Variants in CDH7 observed in about 807,000 individuals in gnomAD.
CDH7 encodes the protein cadherin 7, also known as cadherin-7.
CDH7 carries 25 observed loss-of-function variants against 71.8 expected under a neutral mutation model. The observed-to-expected ratio is 0.35, with a 90% CI of 0.25 to 0.49. The LOEUF is 0.49. Among genes scored for constraint, CDH7 ranks in the 20% least tolerant of loss-of-function variants. The pLI, the probability that CDH7 is intolerant of heterozygous loss-of-function variation, is 0.99. For missense variants in CDH7, 862 were observed against 974.6 expected (o/e 0.88, Z 1.54); for synonymous variants, 381 against 363.8 (o/e 1.05, Z -0.54).
chr18:65,824,505 T>C (rs564099064), intron 5 of CDH7, 139 bp from the exon 6 acceptor site: 1 of 471,192 alleles, frequency 2.1e-6, no homozygotes, highest in East Asian at 3.3e-5. Context: ...ACTCATCTTT[T>C]GTTTTCCATT....
chr18:65,835,201 T>C (rs1306015667), intron 6 of CDH7, among the ~76,000 whole-genome samples: 4 of 152,130 alleles, frequency 2.6e-5, no homozygotes, highest in Admixed American at 6.5e-5. Context: ...TTTGACAGAA[T>C]TGACATGTCA....
At chr18:65,872,857 C>T (rs1913967999) in intron 11 of CDH7, among the ~76,000 whole-genome samples, 1 of 151,246 alleles carries the variant, frequency 6.6e-6, no homozygotes, top group African/African-American at 2.4e-5. Context: ...ATCACTCCGG[C>T]CTGGGTGACA....
intron 1 of CDH7, among the ~76,000 whole-genome samples, chr18:65,759,084 A>G (rs1187148631): frequency 1.3e-5 from 2 of 152,162 alleles, no homozygotes; most frequent in Non-Finnish European, 2.9e-5. Context: ...TAATTTGATA[A>G]ATCTCCAGTC....
Position 65,869,545 on chromosome 18 carries a change from ATTTTTTTTTTTT to A in CDH7, c.1864+6642_1864+6653del, listed in dbSNP as rs10696115. ...CTTCCCATAATCTACAAGTGGGTCA[ATTTTTTTTTTTT>A]TTTTTTTTTTTTTGTATTGAAGACG... On this transcript the variant is annotated intron_variant, in intron 11 of 11. Coordinates refer to ENST00000397968, the MANE Select transcript of CDH7 (RefSeq NM_004361.5). Among the ~76,000 whole-genome samples the A allele has an allele frequency of 6.3e-4, 58 of 91,384 alleles. 1 individual carries two copies. Among genetic ancestry groups the A allele is most frequent in the Admixed American group, 8.2e-4 (5 of 6,124 alleles). The allele number at this position is 91,384 out of a possible 152,430, so 60.0% of individuals were successfully genotyped here.
intron 2 of CDH7, among the ~76,000 whole-genome samples, chr18:65,778,933 G>A (rs1910068512): frequency 6.6e-6 from 1 of 152,010 alleles, no homozygotes; most frequent in African/African-American, 2.4e-5. Flanking sequence ...ATTCACCTGA[G>A]ATTTCTTTTT....
intron 11 of CDH7, among the ~76,000 whole-genome samples, chr18:65,872,191 G>C (rs1023898786): frequency 1.3e-5 from 2 of 152,114 alleles, no homozygotes; most frequent in Non-Finnish European, 2.9e-5. Context: ...TTCTGTGTCA[G>C]ATAGGACACA....
intron 11 of CDH7, among the ~76,000 whole-genome samples, chr18:65,874,420 G>A (rs1914014057): frequency 6.6e-6 from 1 of 151,906 alleles, no homozygotes; most frequent in African/African-American, 2.4e-5. Context: ...AGTAGCCTTA[G>A]AAAGCCAAAT....
At chr18:65,868,413 G>C (rs1027819336) in intron 11 of CDH7, among the ~76,000 whole-genome samples, 28 of 152,152 alleles carry the variant, frequency 1.8e-4, no homozygotes, top group African/African-American at 6.3e-4. Context: ...ACAAGTGTCA[G>C]AGTCCGGACC....
At chr18:65,860,808 C>G (rs745777791) in intron 10 of CDH7, among the ~76,000 whole-genome samples, 1 of 152,042 alleles carries the variant, frequency 6.6e-6, no homozygotes, top group Non-Finnish European at 1.5e-5. Context: ...TTAGTGCAAC[C>G]TAGGCCTCAA....
Position 65,822,215 on chromosome 18 carries a change from G to T in CDH7, c.760G>T (p.Asp254Tyr). ...TACATCAGTCACTGTGACCCTAACT[G>T]ATGTCAACGATAATCCACCTCGCTT... Reference protein sequence around the residue: ...GTTSVTVTLTDVNDNPPRFPR... With the variant: ...GTTSVTVTLTYVNDNPPRFPR... Residue 254 changes from aspartate (D) to tyrosine (Y), a missense_variant, in exon 5 of 12, where the codon GAT becomes TAT. Transcript: ENST00000397968. 1 of 1,612,616 alleles carries T rather than the reference G, an allele frequency of 6.2e-7. No individual in the cohort carries two copies. The highest frequency in any genetic ancestry group is 8.5e-7 in the Non-Finnish European group (1 of 1,178,860).
At chr18:65,810,669 A>G (rs752323359) in intron 3 of CDH7, among the ~76,000 whole-genome samples, 1 of 152,096 alleles carries the variant, frequency 6.6e-6, no homozygotes, top group Non-Finnish European at 1.5e-5. Context: ...TAAGCCCAGC[A>G]TCACTAAGCT....
chr18:65,809,783 T>C lies in CDH7; in HGVS notation c.290T>C (p.Ile97Thr), dbSNP rs1382972716. ...GAAGGGGCAAGTTCCATTTTCATTA[T>C]TGATGAGAACACTGGGGATATTCAT... is the stretch of plus-strand genomic sequence containing the variant. Reference protein sequence around the residue: ...SGEGASSIFIIDENTGDIHAT... With the variant: ...SGEGASSIFITDENTGDIHAT... The change falls in exon 3 of 12, where the codon ATT (isoleucine) becomes ACT (threonine). Residue 97 changes from isoleucine (I) to threonine (T), a missense_variant. Physicochemically the swap from Ile to Thr is moderately conservative, Grantham distance 89 (BLOSUM62 -1). Transcript: ENST00000397968. 11 of 1,613,944 alleles carry C rather than the reference T, an allele frequency of 6.8e-6. No homozygotes were observed. The highest frequency in any genetic ancestry group is 1.3e-5 in the African/African-American group (1 of 74,908).
At chr18:65,851,227 T>G (rs1913139735) in intron 7 of CDH7, among the ~76,000 whole-genome samples, 1 of 152,146 alleles carries the variant, frequency 6.6e-6, no homozygotes, top group Non-Finnish European at 1.5e-5. Flanking sequence ...AGGAATTTAG[T>G]GAGGTCTATA....
chr18:65,867,822 A>G (rs1913810434), intron 11 of CDH7, among the ~76,000 whole-genome samples: 1 of 152,152 alleles, frequency 6.6e-6, no homozygotes, highest in South Asian at 2.1e-4. Flanking sequence ...TCATAAACTC[A>G]GATTTAATAA....
rs565378204 is a variant in CDH7 at position 65,767,535 on chromosome 18, A to C, written c.210+4483A>C. Among the ~76,000 whole-genome samples, 5 of 152,316 alleles carry C rather than the reference A, an allele frequency of 3.3e-5. No homozygotes were observed. The South Asian group carries it at 8.3e-4, about 25-fold the overall frequency. On this transcript the variant is annotated intron_variant, in intron 2 of 11. Transcript: ENST00000397968. ...TTATTGAGAAAAGACAAACAGGAAA[A>C]GTGTCCTCTGAAAATGTAGATTGCC...
chr18:65,799,453 G>A (rs1165646872), intron 2 of CDH7, among the ~76,000 whole-genome samples: 6 of 152,012 alleles, frequency 3.9e-5, no homozygotes, highest in South Asian at 2.1e-4. Context: ...CGAGGTGGGC[G>A]GATCACGAGG....
At chr18:65,781,923 TC>T (rs1727523412) in intron 2 of CDH7, among the ~76,000 whole-genome samples, 1 of 38,204 alleles carries the variant, frequency 2.6e-5, no homozygotes, top group Non-Finnish European at 4.6e-5. Flanking sequence ...TTTCTCTCTT[TC>T]TCTCTCTCTC....
At chr18:65,759,407 G>A (rs1916124575) in intron 1 of CDH7, among the ~76,000 whole-genome samples, 1 of 151,134 alleles carries the variant, frequency 6.6e-6, no homozygotes, top group African/African-American at 2.4e-5. Context: ...ACCATGCCCG[G>A]CTAATTTTTT....
At chr18:65,824,041 T>C (rs1191104515) in intron 5 of CDH7, among the ~76,000 whole-genome samples, 1 of 151,276 alleles carries the variant, frequency 6.6e-6, no homozygotes, top group African/African-American at 2.4e-5. Flanking sequence ...TTCACTTTTT[T>C]TTTTTTCAGT....
Sources: allele counts gnomAD v4.1 joint callset (sites outside exome capture counted in the v4.1 genomes callset), GRCh38; gene constraint gnomAD v4.1.1; transcripts MANE v1.5; gene names NCBI Gene and HGNC (gene_info 2026-07-23, HGNC 2026-07-21).